The following KLK5 variants were observed in gnomAD, a reference collection of about 807,000 sequenced individuals.
The protein encoded by KLK5 is kallikrein-5.
In KLK5, 18 loss-of-function variants were observed where a neutral mutation model predicts 24.0. The observed-to-expected ratio is 0.75, with a 90% CI of 0.52 to 1.11. The LOEUF (loss-of-function observed/expected upper bound fraction) is 1.11. Among genes scored for constraint, KLK5 ranks in the 50% most tolerant of loss-of-function variants. The probability of loss-of-function intolerance (pLI) is 0.00; values close to 1 mark genes in which losing one functional copy is unlikely to be tolerated. For missense variants in KLK5, 374 were observed against 379.2 expected (o/e 0.99, Z 0.11); for synonymous variants, 140 against 154.0 (o/e 0.91, Z 0.67).
chr19:50,943,540 ACAT>A lies in KLK5; in HGVS notation c.*88_*90del. On this transcript the variant is annotated 3_prime_UTR_variant, in exon 6 of 6. Transcript: ENST00000336334. ...GGGGCTGGAGAGATGAACATTCTCA[ACAT>A]CTCTGGGAAGGAATGAGGGTCTGAA... is the stretch of plus-strand genomic sequence containing the variant. 1 of 1,224,404 alleles carries A rather than the reference ACAT, an allele frequency of 8.2e-7. No homozygotes were observed. Among genetic ancestry groups the A allele is most frequent in the East Asian group, 2.4e-5 (1 of 42,410 alleles). The allele number at this position is 1,224,404 out of a possible 1,614,324, so 75.8% of individuals were successfully genotyped here.
At chr19:50,946,496 C>T (rs2090635555) in intron 5 of KLK5, among the ~76,000 whole-genome samples, 1 of 152,074 alleles carries the variant, frequency 6.6e-6, no homozygotes. Context: ...AGATACTAAC[C>T]TTGCCTACAG....
chr19:50,943,456 G>A lies in KLK5; in HGVS notation c.*175C>T, dbSNP rs940839398. ...AAATTGTTCCCAGGGTTCAACTAGA[G>A]AGACACGGTCAGCCCAATGTGGGGG... is the stretch of plus-strand genomic sequence containing the variant. On this transcript the variant is annotated 3_prime_UTR_variant, in exon 6 of 6. Coordinates refer to ENST00000336334, the MANE Select transcript of KLK5 (RefSeq NM_012427.5). The A allele has an allele frequency of 3.1e-4, 180 of 579,640 alleles. 1 individual carries two copies. Among genetic ancestry groups the A allele is most frequent in the Non-Finnish European group, 7.2e-5 (24 of 333,408 alleles). The allele number at this position is 579,640 out of a possible 1,614,324, so 35.9% of individuals were successfully genotyped here. A position where few individuals can be genotyped will look rare whatever the true frequency, so the allele number is the denominator to read the frequency against.
chr19:50,945,681 C>T (rs2090625637), intron 5 of KLK5, among the ~76,000 whole-genome samples: 1 of 150,836 alleles, frequency 6.6e-6, no homozygotes, highest in Non-Finnish European at 1.5e-5. Flanking sequence ...ATCCCAGCTA[C>T]TTGGGAGGCT....
intron 5 of KLK5, among the ~76,000 whole-genome samples, chr19:50,944,146 G>A (rs2090611387): frequency 6.6e-6 from 1 of 152,052 alleles, no homozygotes. Flanking sequence ...TGTGACTACA[G>A]GTGTCCATCA....
At position 50,948,786 on chromosome 19, in the gene KLK5, A is replaced by G; in HGVS notation, c.593-13T>C. 1 of 1,614,138 alleles carries G rather than the reference A, an allele frequency of 6.2e-7. No homozygotes were observed. The highest frequency in any genetic ancestry group is 8.5e-7 in the Non-Finnish European group (1 of 1,180,022). On this transcript the variant is annotated splice_polypyrimidine_tract_variant and intron_variant, in intron 4 of 5. Transcript: ENST00000336334. ...TTAGGGAAGTGCACTGTCAAACAGGAACACAATGAGAAGTGGAGAAAGATG... is the reference window on the plus strand; with the variant it reads ...TTAGGGAAGTGCACTGTCAAACAGGGACACAATGAGAAGTGGAGAAAGATG...
Position 50,948,840 on chromosome 19 carries a change from G to C in KLK5, c.592+19C>G, listed in dbSNP as rs1239218086. 2 of 1,614,104 alleles carry C rather than the reference G, an allele frequency of 1.2e-6. No individual in the cohort carries two copies. The highest frequency in any genetic ancestry group is 8.5e-7 in the Non-Finnish European group (1 of 1,180,012). ...GGCGGCAGAGATGGGTCGGTATCAAGAAGAACCTGGACACTCACCTTGGGG... is the reference window on the plus strand; with the variant it reads ...GGCGGCAGAGATGGGTCGGTATCAACAAGAACCTGGACACTCACCTTGGGG... On this transcript the variant is annotated intron_variant, in intron 4 of 5. Coordinates refer to ENST00000336334, the MANE Select transcript of KLK5 (RefSeq NM_012427.5).
chr19:50,943,913 G>A, intron 5 of KLK5, 127 bp from the exon 6 acceptor site: 1 of 630,734 alleles, frequency 1.6e-6, no homozygotes, highest in Non-Finnish European at 2.7e-6. Context: ...GAGATGGAAA[G>A]TACAGAGATG....
In KLK5 at chr19:50,943,786, C is replaced by T. The variant is rs778966720; in HGVS notation, c.727G>A (p.Gly243Ser). The change falls in exon 6 of 6, where the codon GGT (glycine) becomes AGT (serine). Residue 243 changes from glycine (G) to serine (S), a missense_variant and splice_region_variant. Physicochemically the swap from Gly to Ser is moderately conservative, Grantham distance 56. Coordinates refer to ENST00000336334, the MANE Select transcript of KLK5 (RefSeq NM_012427.5). ...CAGACCACAGGCCCCCCAGAATCAC[C>T]CTGCAGGAGAGAAAGGGGGGCATGA... ...GDKAGRDSCQ[G>S]DSGGPVVCNG... The T allele has an allele frequency of 2.5e-6, 4 of 1,609,180 alleles. No individual in the cohort carries two copies. Among genetic ancestry groups the T allele is most frequent in the Admixed American group, 3.3e-5 (2 of 59,772 alleles).
Position 50,952,832 on chromosome 19 carries a change from T to G in KLK5, c.-97A>C. On this transcript the variant is annotated 5_prime_UTR_variant, in exon 1 of 6. Coordinates refer to ENST00000336334, the MANE Select transcript of KLK5 (RefSeq NM_012427.5). ...CCCAGGCACTATAGAATTCAGAAGATAGGAGTCTAGCAGCCTCCAGACAGG... is the reference window on the plus strand; with the variant it reads ...CCCAGGCACTATAGAATTCAGAAGAGAGGAGTCTAGCAGCCTCCAGACAGG... The G allele has an allele frequency of 2.1e-6, 1 of 466,430 alleles. No individual in the cohort carries two copies. The highest frequency in any genetic ancestry group is 3.8e-6 in the Non-Finnish European group (1 of 264,930). The allele number at this position is 466,430 out of a possible 1,614,324, so 28.9% of individuals were successfully genotyped here.
chr19:50,946,064 T>C (rs2090631024), intron 5 of KLK5, among the ~76,000 whole-genome samples: 1 of 152,228 alleles, frequency 6.6e-6, no homozygotes, highest in South Asian at 2.1e-4. Flanking sequence ...CTGGTATCAA[T>C]TATTAGGAAA....
intron 5 of KLK5, 68 bp downstream of exon 5, chr19:50,948,572 T>C: frequency 6.5e-7 from 1 of 1,537,330 alleles, no homozygotes. Context: ...TCTCAGAATT[T>C]GGCAACGCTC....
rs141858477 is a variant in KLK5, at chr19:50,944,014, T to C, written c.727-228A>G. ...ATATTTCACTCCAAATCCAGCTTTTTTTTTTTTGAGATGGAGTCTTACTCT... is the reference window on the plus strand; with the variant it reads ...ATATTTCACTCCAAATCCAGCTTTTCTTTTTTTGAGATGGAGTCTTACTCT... On this transcript the variant is annotated intron_variant, in intron 5 of 5. Transcript: ENST00000336334. Among the ~76,000 whole-genome samples, 8 of 152,032 alleles carry C rather than the reference T, an allele frequency of 5.3e-5. No homozygotes were observed. In the East Asian group the frequency reaches 1.5e-3, roughly 29 times the overall value.
chr19:50,950,513 G>A (rs2090677719), intron 2 of KLK5, among the ~76,000 whole-genome samples: 1 of 152,096 alleles, frequency 6.6e-6, no homozygotes, highest in African/African-American at 2.4e-5. Flanking sequence ...CAGTGAGTGG[G>A]GTCAGGGCTG....
In KLK5 at chr19:50,943,700, T is replaced by A. The variant is rs745352150; in HGVS notation, c.813A>T (p.Arg271Ser). Residue 271 changes from arginine (R) to serine (S), a missense_variant, in exon 6 of 6, where the codon AGA (arginine) becomes AGT (serine). By Grantham distance (110) the Arg-to-Ser change is moderately radical. Coordinates refer to ENST00000336334, the MANE Select transcript of KLK5 (RefSeq NM_012427.5). ...WGDYPCARPN[R>S]PGVYTNLCKF... ...TGCAGAGGTTCGTGTAGACACCCGG[T>A]CTGTTGGGCCGGGCACAAGGGTAAT... 4 of 1,613,418 alleles carry A rather than the reference T, an allele frequency of 2.5e-6. No homozygotes were observed. The African/African-American group carries it at 5.4e-5, about 22-fold the overall frequency.
intron 4 of KLK5, 34 bp downstream of exon 4, chr19:50,948,825 A>G: frequency 6.2e-7 from 1 of 1,614,000 alleles, no homozygotes; most frequent in African/African-American, 1.3e-5. Flanking sequence ...GGCGGCAGAG[A>G]TGGGTCGGTA....
intron 2 of KLK5, among the ~76,000 whole-genome samples, chr19:50,950,890 CAAAA>C (rs10650166): frequency 2.0e-5 from 2 of 99,996 alleles, no homozygotes; most frequent in African/African-American, 8.2e-5. Context: ...AGACTGTCTC[CAAAA>C]AAAAAAAAAA....
chr19:50,949,244 C>T (rs1337242436), intron 3 of KLK5, 129 bp from the exon 4 acceptor site: 1 of 816,146 alleles, frequency 1.2e-6, no homozygotes, highest in East Asian at 2.8e-5. Flanking sequence ...ATCCTCAACT[C>T]CCTCTTGGTC....
In KLK5 at chr19:50,950,046, C is replaced by G; in HGVS notation, c.144G>C (p.Gln48His). 1.2e-6 allele frequency: 2 copies of G among 1,613,806 alleles called. No homozygotes were observed. The highest frequency in any genetic ancestry group is 3.3e-5 in the Admixed American group (2 of 59,954). ...PSNTVPSGSN[Q>H]DLGAGAGEDA... ...CTTCCCCGGCCCCAGCTCCCAGGTC[C>G]TGGTTGCTCCCAGAGGGCACGGTGT... Residue 48 changes from glutamine (Q) to histidine (H), a missense_variant, in exon 3 of 6, where the codon CAG (glutamine) becomes CAC (histidine). Gln to His is a conservative substitution (Grantham distance 24). Transcript: ENST00000336334.
chr19:50,946,975 A>G (rs180757652), intron 5 of KLK5, among the ~76,000 whole-genome samples: 2 of 152,246 alleles, frequency 1.3e-5, no homozygotes, highest in Non-Finnish European at 2.9e-5. Flanking sequence ...GGTTTGTACA[A>G]TTTGGGGGGA....
Sources: gnomAD v4.1 joint callset for allele counts (sites outside exome capture counted in the v4.1 genomes callset) on GRCh38, gnomAD v4.1.1 for gene constraint, MANE v1.5 for transcripts, NCBI Gene and HGNC (gene_info 2026-07-23, HGNC 2026-07-21) for gene names.